Variants in MITF observed in about 807,000 individuals in gnomAD.
The protein encoded by MITF is melanocyte inducing transcription factor, also known as microphthalmia-associated transcription factor.
A neutral mutation model predicts 60.5 loss-of-function variants in MITF; 17 were observed. That is an observed-to-expected ratio of 0.28 (90% CI 0.19 to 0.42). The LOEUF (loss-of-function observed/expected upper bound fraction) is 0.42. Among genes scored for constraint, MITF ranks in the 10% least tolerant of loss-of-function variants. The pLI, the probability that MITF is intolerant of heterozygous loss-of-function variation, is 1.00. For synonymous variants in MITF, 260 were observed against 248.5 expected (o/e 1.05, Z -0.43); for missense variants, 622 against 683.5 (o/e 0.91, Z 1.00).
intron 1 of MITF, among the ~76,000 whole-genome samples, chr3:69,742,429 GA>G (rs1397728881): frequency 6.6e-6 from 1 of 152,168 alleles, no homozygotes; most frequent in East Asian, 1.9e-4. Flanking sequence ...TCTCTGCCCA[GA>G]ACCTGCCCAT....
chr3:69,920,567 T>C (rs534460370), intron 2 of MITF, among the ~76,000 whole-genome samples: 1 of 152,220 alleles, frequency 6.6e-6, no homozygotes, highest in East Asian at 1.9e-4. Flanking sequence ...AAGCTGTCTT[T>C]CTCTCTGTCT....
chr3:69,769,448 G>T (rs892777093), intron 1 of MITF: 2 of 147,812 alleles, frequency 1.4e-5, no homozygotes, highest in Admixed American at 1.4e-4. Context: ...GCTTCACAAA[G>T]TGTAGTCGTT....
At chr3:69,807,224 A>G (rs1189533013) in intron 1 of MITF, among the ~76,000 whole-genome samples, 3 of 152,200 alleles carry the variant, frequency 2.0e-5, no homozygotes, top group Admixed American at 6.5e-5. Context: ...GTGGTACATT[A>G]TAGCTTTCTG....
chr3:69,758,777 T>TTA (rs1454868587), intron 1 of MITF: 2 of 207,652 alleles, frequency 9.6e-6, no homozygotes, highest in East Asian at 7.4e-5. Flanking sequence ...TTTGGAAACT[T>TTA]TGCTAAACCC....
intron 1 of MITF, among the ~76,000 whole-genome samples, chr3:69,866,827 C>G (rs537899736): frequency 2.5e-3 from 376 of 150,528 alleles, no homozygotes; most frequent in Non-Finnish European, 3.4e-3. Context: ...TTTCTCCCCC[C>G]ACCTTTTTTT....
At chr3:69,817,306 T>G (rs1484444308) in intron 1 of MITF, among the ~76,000 whole-genome samples, 1 of 152,152 alleles carries the variant, frequency 6.6e-6, no homozygotes, top group East Asian at 1.9e-4. Flanking sequence ...TTTTCCAGAG[T>G]CAGTCTGTGC....
intron 9 of MITF, among the ~76,000 whole-genome samples, chr3:69,963,145 TACTAAGGTTAGG>T (rs1189333501): frequency 6.6e-6 from 1 of 152,190 alleles, no homozygotes; most frequent in East Asian, 1.9e-4. Flanking sequence ...CATTCCAAGG[TACTAAGGTTAGG>T]ACTTCAACAT....
Position 69,741,852 on chromosome 3 carries a change from A to G in MITF, c.104+2151A>G, listed in dbSNP as rs62253053. 3.7e-3 allele frequency among the ~76,000 whole-genome samples: 559 copies of G among 152,322 alleles called. 3 individuals are homozygous for G. The highest frequency in any genetic ancestry group is 5.9e-3 in the Non-Finnish European group (400 of 68,022). ...GTTGTGTGACTTAAAAGGGCTGCAC[A>G]TTGTTCAGGGCCTTCTCTCTCATTG... On this transcript the variant is annotated intron_variant, in intron 1 of 9. Coordinates refer to ENST00000352241, the MANE Select transcript of MITF (RefSeq NM_001354604.2).
At chr3:69,784,369 C>T (rs1330450130) in intron 1 of MITF, among the ~76,000 whole-genome samples, 1 of 152,032 alleles carries the variant, frequency 6.6e-6, no homozygotes, top group African/African-American at 2.4e-5. Flanking sequence ...ACATTTCTAA[C>T]GTTTATAGAG....
chr3:69,947,876 G>A (rs2066139631), intron 5 of MITF, among the ~76,000 whole-genome samples: 1 of 152,180 alleles, frequency 6.6e-6, no homozygotes, highest in Non-Finnish European at 1.5e-5. Flanking sequence ...ATGAGGGGAA[G>A]CACATTCGAC....
intron 2 of MITF, among the ~76,000 whole-genome samples, chr3:69,923,799 T>C (rs1389012867): frequency 6.6e-6 from 1 of 152,176 alleles, no homozygotes; most frequent in African/African-American, 2.4e-5. Flanking sequence ...CCAAACCACA[T>C]ATATTGGCCT....
chr3:69,841,766 C>A (rs186113577), intron 1 of MITF, among the ~76,000 whole-genome samples: 3 of 152,204 alleles, frequency 2.0e-5, no homozygotes, highest in Admixed American at 2.0e-4. Context: ...TTAGAAGTGG[C>A]AGGTCAATTT....
intron 1 of MITF, among the ~76,000 whole-genome samples, chr3:69,778,366 C>T (rs969269735): frequency 1.3e-5 from 2 of 151,982 alleles, no homozygotes; most frequent in African/African-American, 4.8e-5. Context: ...GGGGTAGAAC[C>T]TGTGTTTCAG....
chr3:69,918,073 T>G (rs1004525290), intron 2 of MITF, among the ~76,000 whole-genome samples: 1 of 152,154 alleles, frequency 6.6e-6, no homozygotes, highest in African/African-American at 2.4e-5. Flanking sequence ...GTTTTGTTTT[T>G]GTTTTTGTTG....
intron 1 of MITF, among the ~76,000 whole-genome samples, chr3:69,762,976 T>C (rs1488884294): frequency 6.6e-6 from 1 of 152,164 alleles, no homozygotes; most frequent in Non-Finnish European, 1.5e-5. Flanking sequence ...TCCTCAGTCG[T>C]CCTGGTAAAC....
chr3:69,878,673 A>G (rs1466215600), intron 1 of MITF, among the ~76,000 whole-genome samples: 1 of 152,224 alleles, frequency 6.6e-6, no homozygotes, highest in Non-Finnish European at 1.5e-5. Flanking sequence ...AATATTTGTT[A>G]GTAAACATTT....
intron 1 of MITF, among the ~76,000 whole-genome samples, chr3:69,847,366 A>C (rs2063749972): frequency 6.6e-6 from 1 of 152,228 alleles, no homozygotes; most frequent in Non-Finnish European, 1.5e-5. Context: ...CCTTCCTAAG[A>C]AGGACACACT....
chr3:69,831,065 C>A (rs1012574409), intron 1 of MITF, among the ~76,000 whole-genome samples: 3 of 152,164 alleles, frequency 2.0e-5, no homozygotes, highest in South Asian at 2.1e-4. Flanking sequence ...CGATACACAA[C>A]CTTGCAGGGT....
chr3:69,766,428 T>C (rs2062295731), intron 1 of MITF, among the ~76,000 whole-genome samples: 1 of 145,480 alleles, frequency 6.9e-6, no homozygotes, highest in African/African-American at 2.6e-5. Flanking sequence ...GGTTTCACCA[T>C]GTTGGCCAGG....
Sources: gnomAD v4.1 joint callset for allele counts (sites outside exome capture counted in the v4.1 genomes callset) on GRCh38, gnomAD v4.1.1 for gene constraint, MANE v1.5 for transcripts, NCBI Gene and HGNC (gene_info 2026-07-23, HGNC 2026-07-21) for gene names.